Variants in ABCA12 observed in about 807,000 individuals in gnomAD.
The protein encoded by ABCA12 is ATP binding cassette subfamily A member 12.
A neutral mutation model predicts 293.5 loss-of-function variants in ABCA12; 156 were observed. The ratio of observed to expected loss-of-function variants is 0.53; its 90% CI spans 0.47 to 0.61. The LOEUF (loss-of-function observed/expected upper bound fraction) is 0.61, where lower values mean the gene tolerates loss of function less well. Among genes scored for constraint, ABCA12 ranks in the 20% least tolerant of loss-of-function variants. ABCA12 has a pLI of 0.00. For synonymous variants in ABCA12, 1,063 were observed against 1,108.0 expected (o/e 0.96, Z 0.81); for missense variants, 2,797 against 3,090.2 (o/e 0.91, Z 2.25).
Position 215,045,840 on chromosome 2 carries a change from TTTGCCTTTCG to T in ABCA12, c.859_868del (p.Arg287ThrfsTer45). On this transcript the variant is annotated frameshift_variant, in exon 7 of 53. Coordinates refer to ENST00000272895, the MANE Select transcript of ABCA12 (RefSeq NM_173076.3). LOFTEE classifies it high-confidence loss of function. ...TTTAATTCTTACATTTTCTTACCTG[TTTGCCTTTCG>T]AAGAACATCAAATAGATTGCTTAGT... is the stretch of plus-strand genomic sequence containing the variant. The T allele has an allele frequency of 6.2e-7, 1 of 1,613,074 alleles. No individual in the cohort carries two copies. The highest frequency in any genetic ancestry group is 8.5e-7 in the Non-Finnish European group (1 of 1,179,400).
At chr2:215,115,484 A>G (rs1702666271) in intron 1 of ABCA12, among the ~76,000 whole-genome samples, 1 of 152,192 alleles carries the variant, frequency 6.6e-6, no homozygotes. Flanking sequence ...TTTTACACAT[A>G]TAGACACAGG....
chr2:214,966,271 G>C (rs1311615853), intron 39 of ABCA12, among the ~76,000 whole-genome samples: 3 of 152,116 alleles, frequency 2.0e-5, no homozygotes, highest in Admixed American at 2.0e-4. Context: ...GCATCCGGAA[G>C]AATAGCTAAT....
chr2:215,013,247 G>C (rs1574982839), intron 15 of ABCA12: 1 of 152,240 alleles, frequency 6.6e-6, no homozygotes, highest in Admixed American at 6.5e-5. Flanking sequence ...GAAATCAAAG[G>C]AGACCTTTTC....
chr2:215,135,096 G>T (rs1415090962), intron 1 of ABCA12, among the ~76,000 whole-genome samples: 3 of 152,108 alleles, frequency 2.0e-5, no homozygotes, highest in Non-Finnish European at 4.4e-5. Context: ...CCAAGTAGCT[G>T]GGATTACAGG....
At chr2:215,086,673 T>C (rs1702044702) in intron 2 of ABCA12, among the ~76,000 whole-genome samples, 1 of 152,156 alleles carries the variant, frequency 6.6e-6, no homozygotes, top group African/African-American at 2.4e-5. Flanking sequence ...GCTGCTAATG[T>C]ATTGTTGCGT....
At chr2:215,121,927 T>C (rs1175937844) in intron 1 of ABCA12, among the ~76,000 whole-genome samples, 1 of 152,188 alleles carries the variant, frequency 6.6e-6, no homozygotes, top group African/African-American at 2.4e-5. Flanking sequence ...AAACCTCTTT[T>C]GCTTTATAAA....
intron 48 of ABCA12, among the ~76,000 whole-genome samples, 193 bp from the exon 49 acceptor site, chr2:214,945,297 T>C (rs552498796): frequency 6.6e-6 from 1 of 152,288 alleles, no homozygotes; most frequent in African/African-American, 2.4e-5. Flanking sequence ...AAATTGTCAA[T>C]CTGTTTCAAA....
chr2:214,945,432 C>G (rs1454755322), intron 48 of ABCA12, among the ~76,000 whole-genome samples: 2 of 152,162 alleles, frequency 1.3e-5, no homozygotes, highest in African/African-American at 4.8e-5. Flanking sequence ...CATATATAAG[C>G]CACATCAACA....
In ABCA12 at chr2:215,074,744, A is replaced by C. The variant is rs557169357; in HGVS notation, c.164-10525T>G. Reference sequence around the variant, plus strand: ...CGATCATGAGGTCAGGAGATCGAGAACATCCTGGTCAACATGGTAAAGCCC... The same window carrying C: ...CGATCATGAGGTCAGGAGATCGAGACCATCCTGGTCAACATGGTAAAGCCC... On this transcript the variant is annotated intron_variant, in intron 2 of 52. Transcript: ENST00000272895. Among the ~76,000 whole-genome samples the C allele has an allele frequency of 5.3e-5, 8 of 152,100 alleles. No individual in the cohort carries two copies. The East Asian group carries it at 1.4e-3, about 26-fold the overall frequency.
At chr2:214,975,743 G>T in intron 34 of ABCA12, 42 bp downstream of exon 34, 1 of 1,613,022 alleles carries the variant, frequency 6.2e-7, no homozygotes, top group Non-Finnish European at 8.5e-7. Flanking sequence ...ACTCCTGGAA[G>T]CATTTTGGAA....
chr2:215,000,330 G>A (rs1032767156), intron 22 of ABCA12, among the ~76,000 whole-genome samples: 3 of 152,156 alleles, frequency 2.0e-5, no homozygotes, highest in Non-Finnish European at 2.9e-5. Context: ...GGAGTTGGAA[G>A]GGATTTTAAG....
chr2:215,018,668 G>A lies in ABCA12; in HGVS notation c.1658-536C>T, dbSNP rs377115702. Among the ~76,000 whole-genome samples, 9 of 152,124 alleles carry A rather than the reference G, an allele frequency of 5.9e-5. No individual in the cohort carries two copies. The East Asian group carries it at 7.7e-4, about 13-fold the overall frequency. ...GTTTAACTTCAAACTCTTTTAGGAC[G>A]GTGATTATAATTCTTTTATTTCTGG... On this transcript the variant is annotated intron_variant, in intron 13 of 52. Transcript: ENST00000272895.
intron 2 of ABCA12, 33 bp downstream of exon 2, chr2:215,111,564 A>T (rs759263512): frequency 6.5e-7 from 1 of 1,544,336 alleles, no homozygotes; most frequent in Non-Finnish European, 8.9e-7. Context: ...AGAATCCAAA[A>T]ATTAAGGAAA....
intron 28 of ABCA12, among the ~76,000 whole-genome samples, chr2:214,984,920 C>T (rs1699754640): frequency 6.6e-6 from 1 of 152,092 alleles, no homozygotes; most frequent in Non-Finnish European, 1.5e-5. Context: ...TGGATAATTC[C>T]TCATCATCTT....
intron 11 of ABCA12, among the ~76,000 whole-genome samples, chr2:215,021,362 A>C (rs1700628071): frequency 6.6e-6 from 1 of 152,204 alleles, no homozygotes; most frequent in Non-Finnish European, 1.5e-5. Flanking sequence ...AAAAGTGCTT[A>C]AAGGGGTTTA....
Position 214,997,766 on chromosome 2 carries a change from C to G in ABCA12, c.3223G>C (p.Val1075Leu). ...GCAGCTATAAATACAACCCAGGCAACCATAAGCACAATTGGAAGAGAATAA... is the reference window on the plus strand; with the variant it reads ...GCAGCTATAAATACAACCCAGGCAAGCATAAGCACAATTGGAAGAGAATAA... ...VSYSLPIVLMVAWVVFIAAFV... is the reference protein window; with the variant it reads ...VSYSLPIVLMLAWVVFIAAFV... Residue 1075 changes from valine to leucine, a missense_variant, in exon 23 of 53, where the codon GTT becomes CTT. This residue lies in a region of ABCA12 where 2,130 missense variants were observed against 2,427.0 expected (regional missense o/e 0.88). Transcript: ENST00000272895. 1.2e-6 allele frequency: 2 copies of G among 1,613,440 alleles called. No individual in the cohort carries two copies.
At chr2:215,030,502 G>A (rs1383601706) in intron 9 of ABCA12, among the ~76,000 whole-genome samples, 1 of 152,094 alleles carries the variant, frequency 6.6e-6, no homozygotes, top group East Asian at 1.9e-4. Flanking sequence ...TACTTGGGAG[G>A]CTGAGGCAGG....
chr2:214,992,522 C>CT (rs71041978), intron 23 of ABCA12, among the ~76,000 whole-genome samples: 1 of 47,730 alleles, frequency 2.1e-5, no homozygotes, highest in Non-Finnish European at 3.3e-5. Context: ...TATCCCCCCC[C>CT]TTTTTTTTTT....
Position 215,016,582 on chromosome 2 carries a change from C to CA in ABCA12, c.1783-920dup, listed in dbSNP as rs71041981. Among the ~76,000 whole-genome samples the CA allele has an allele frequency of 7.8e-3, 233 of 29,918 alleles. 38 individuals carry two copies. The highest frequency in any genetic ancestry group is 0.018 in the African/African-American group (216 of 11,900). 19.6% of individuals were successfully genotyped at this position (29,918 alleles called of 152,430 possible). A position where few individuals can be genotyped will look rare whatever the true frequency, so the allele number is the denominator to read the frequency against. On this transcript the variant is annotated intron_variant, in intron 14 of 52. Coordinates refer to ENST00000272895, the MANE Select transcript of ABCA12 (RefSeq NM_173076.3). Reference sequence around the variant, plus strand: ...TGGGCAACAGACCATGACTCTGTCTCAAAAAAAAAAAAAAAAAAAAAAAAA... The same window carrying CA: ...TGGGCAACAGACCATGACTCTGTCTCAAAAAAAAAAAAAAAAAAAAAAAAAA...
Sources: gnomAD v4.1 joint callset for allele counts (sites outside exome capture counted in the v4.1 genomes callset) on GRCh38, gnomAD v4.1.1 for gene constraint, gnomAD v4.1.1 regional missense constraint, MANE v1.5 for transcripts, NCBI Gene and HGNC (gene_info 2026-07-23, HGNC 2026-07-21) for gene names.